The following ZNF385D variants were observed in gnomAD, a reference collection of about 807,000 sequenced individuals.
ZNF385D encodes the protein zinc finger protein 659.
ZNF385D carries 15 observed loss-of-function variants against 35.8 expected under a neutral mutation model. The observed-to-expected ratio is 0.42, with a 90% CI of 0.28 to 0.64. The LOEUF is 0.64. ZNF385D is among the 30% of genes least tolerant of loss of function. The pLI is 0.23. For synonymous variants in ZNF385D, 212 were observed against 186.8 expected, an observed-to-expected ratio of 1.13 and a Z score of -1.10; for missense variants, 474 against 494.6, an observed-to-expected ratio of 0.96 and a Z score of 0.39.
Position 22,012,397 on chromosome 3 carries a change from A to T in ZNF385D, c.325+156420T>A, listed in dbSNP as rs144405567. Among the ~76,000 whole-genome samples, 370 of 152,268 alleles carry T rather than the reference A, an allele frequency of 2.4e-3. 1 individual carries two copies. The highest frequency in any genetic ancestry group is 8.5e-3 in the African/African-American group (352 of 41,554). ...CCACAAATGTGTTTTAGTGCTAAAA[A>T]ATAAATTACATTATTTACATTTGTC... On this transcript the variant is annotated intron_variant, in intron 3 of 5. Coordinates refer to the ZNF385D transcript ENST00000494108.
upstream of ZNF385D, among the ~76,000 whole-genome samples, chr3:21,752,168 G>C (rs777542334): frequency 2.0e-5 from 3 of 152,112 alleles, no homozygotes; most frequent in African/African-American, 7.2e-5. Flanking sequence ...AGAAATCCCT[G>C]AAAGCTGTGC....
rs1278732073 is a variant in ZNF385D, at chr3:21,440,035, A to G, written c.440-2832T>C. ...TTGACTCCATAAAGATAGGAATACT[A>G]TTAATTTTTAAGTAGTAATGGATTT... On this transcript the variant is annotated intron_variant, in intron 4 of 7. Transcript: ENST00000281523. Among the ~76,000 whole-genome samples, 5 of 152,218 alleles carry G rather than the reference A, an allele frequency of 3.3e-5. No individual in the cohort carries two copies. In the East Asian group the frequency reaches 7.7e-4, roughly 24 times the overall value.
intron 2 of ZNF385D, among the ~76,000 whole-genome samples, chr3:22,369,700 G>A (rs549279185): frequency 1.3e-5 from 2 of 152,214 alleles, no homozygotes; most frequent in African/African-American, 4.8e-5. Context: ...GGATAAATGA[G>A]ATCTGTGACT....
At chr3:21,489,630 TG>T (rs1705272411) in intron 4 of ZNF385D, among the ~76,000 whole-genome samples, 1 of 152,184 alleles carries the variant, frequency 6.6e-6, no homozygotes, top group South Asian at 2.1e-4. Flanking sequence ...AGTGAGATTT[TG>T]GCTTTTGTGA....
At chr3:21,804,558 C>G (rs1575679381) in intron 3 of ZNF385D, among the ~76,000 whole-genome samples, 1 of 152,032 alleles carries the variant, frequency 6.6e-6, no homozygotes. Flanking sequence ...GGAGAAAGTT[C>G]CTCCCTCCCC....
chr3:21,722,407 A>G (rs993086287), intron 1 of ZNF385D, among the ~76,000 whole-genome samples: 14 of 152,234 alleles, frequency 9.2e-5, no homozygotes, highest in African/African-American at 3.4e-4. Flanking sequence ...GCTTGTAACT[A>G]TCTAGTGCTT....
chr3:22,247,339 T>C (rs1306717714), intron 2 of ZNF385D, among the ~76,000 whole-genome samples: 1 of 152,138 alleles, frequency 6.6e-6, no homozygotes, highest in Non-Finnish European at 1.5e-5. Context: ...AGAAAGTGTG[T>C]ATATTTAGCA....
chr3:22,039,333 G>C (rs1698526637), intron 3 of ZNF385D, among the ~76,000 whole-genome samples: 1 of 150,112 alleles, frequency 6.7e-6, no homozygotes, highest in Non-Finnish European at 1.5e-5. Context: ...CCCAGAAAAT[G>C]TCAACTTCCT....
intron 3 of ZNF385D, among the ~76,000 whole-genome samples, chr3:21,527,108 C>A (rs1708272790): frequency 1.3e-5 from 2 of 152,120 alleles, no homozygotes; most frequent in South Asian, 4.1e-4. Context: ...AACTTATAAA[C>A]TAGTTATCCA....
At chr3:22,274,395 T>C (rs1386028458) in intron 2 of ZNF385D, among the ~76,000 whole-genome samples, 1 of 152,008 alleles carries the variant, frequency 6.6e-6, no homozygotes, top group Non-Finnish European at 1.5e-5. Context: ...TAATGATTCA[T>C]AGAAAACAAC....
intron 3 of ZNF385D, among the ~76,000 whole-genome samples, chr3:22,074,895 G>T (rs1252118018): frequency 1.3e-5 from 2 of 151,574 alleles, no homozygotes; most frequent in Non-Finnish European, 2.9e-5. Flanking sequence ...TAATTCAGTG[G>T]TTCTCAACAT....
chr3:22,154,727 C>T (rs1427581244), intron 3 of ZNF385D, among the ~76,000 whole-genome samples: 1 of 152,108 alleles, frequency 6.6e-6, no homozygotes, highest in Non-Finnish European at 1.5e-5. Context: ...TTAACATCTT[C>T]CCAAATCACA....
rs73821311 is a variant in ZNF385D, at chr3:22,153,994, G to C, written c.325+14823C>G. Among the ~76,000 whole-genome samples the C allele has an allele frequency of 5.7e-3, 875 of 152,176 alleles. 8 individuals carry two copies. Among genetic ancestry groups the C allele is most frequent in the African/African-American group, 0.019 (790 of 41,530 alleles). ...CCATTTAGATAACTCATCACCTTTA[G>C]TTTTAGCATCCAGTCCTTTAGCTTA... On this transcript the variant is annotated intron_variant, in intron 3 of 5. Coordinates refer to the ZNF385D transcript ENST00000494108.
At chr3:21,815,958 T>C (rs887164804) in intron 3 of ZNF385D, among the ~76,000 whole-genome samples, 15 of 152,154 alleles carry the variant, frequency 9.9e-5, no homozygotes, top group Admixed American at 3.3e-4. Context: ...CCGAATCCAG[T>C]AGCACATTAA....
intron 3 of ZNF385D, among the ~76,000 whole-genome samples, chr3:22,097,302 A>G (rs926512303): frequency 1.3e-5 from 2 of 152,090 alleles, no homozygotes; most frequent in Admixed American, 6.6e-5. Context: ...TGATGCTTCC[A>G]TAATAAAAAC....
chr3:21,660,667 T>G (rs550908170), intron 2 of ZNF385D, among the ~76,000 whole-genome samples: 1 of 152,336 alleles, frequency 6.6e-6, no homozygotes, highest in East Asian at 1.9e-4. Flanking sequence ...CATTTTTTCA[T>G]GATTACCTTC....
At chr3:21,795,552 T>A (rs568634786) in intron 3 of ZNF385D, among the ~76,000 whole-genome samples, 2 of 152,334 alleles carry the variant, frequency 1.3e-5, no homozygotes, top group Admixed American at 6.5e-5. Context: ...TAAAAATTTT[T>A]AAAAATCCTT....
chr3:22,005,083 A>AAAAAAAAAAAAAAAAAAAAAAAAC (rs1553717904), intron 3 of ZNF385D, among the ~76,000 whole-genome samples: 1 of 117,312 alleles, frequency 8.5e-6, no homozygotes, highest in Non-Finnish European at 1.7e-5. Flanking sequence ...AAAAAAAAAA[A>AAAAAAAAAAAAAAAAAAAAAAAAC]AGGCAGAAAA....
At chr3:21,511,956 G>A (rs1467946330) in intron 3 of ZNF385D, among the ~76,000 whole-genome samples, 10 of 151,380 alleles carry the variant, frequency 6.6e-5, no homozygotes, top group Non-Finnish European at 1.2e-4. Context: ...AGACTATCCT[G>A]GCCAACATGG....
Sources: gnomAD v4.1 joint callset for allele counts (sites outside exome capture counted in the v4.1 genomes callset) on GRCh38, gnomAD v4.1.1 for gene constraint, MANE v1.5 for transcripts, NCBI Gene and HGNC (gene_info 2026-07-23, HGNC 2026-07-21) for gene names.